The following PREX2 variants were observed in gnomAD, a reference collection of about 807,000 sequenced individuals.
PREX2 encodes phosphatidylinositol-3,4,5-trisphosphate dependent Rac exchange factor 2.
In PREX2, 107 loss-of-function variants were observed where a neutral mutation model predicts 203.2. That is an observed-to-expected ratio of 0.53 (90% CI 0.45 to 0.62). The LOEUF (loss-of-function observed/expected upper bound fraction) is 0.62. Among genes scored for constraint, PREX2 ranks in the 20% least tolerant of loss-of-function variants. The probability of loss-of-function intolerance (pLI) is 0.00; values close to 1 mark genes in which losing one functional copy is unlikely to be tolerated. For synonymous variants in PREX2, 672 were observed against 663.6 expected (o/e 1.01, Z -0.19); for missense variants, 1,777 against 1,955.9 (o/e 0.91, Z 1.72).
intron 1 of PREX2, among the ~76,000 whole-genome samples, chr8:67,973,678 C>A (rs915964102): frequency 1.3e-5 from 2 of 152,092 alleles, no homozygotes; most frequent in African/African-American, 4.8e-5. Context: ...CTTAGCACTT[C>A]AGTGTTATTG....
At position 67,952,464 on chromosome 8, in the gene PREX2, C is replaced by A. The variant is rs1194081470; in HGVS notation, c.70C>A (p.Arg24Ser). Residue 24 changes from arginine (R) to serine (S), a missense_variant, in exon 1 of 40, where the codon CGC becomes AGC. By Grantham distance (110) the Arg-to-Ser change is moderately radical. Coordinates refer to ENST00000288368, the MANE Select transcript of PREX2 (RefSeq NM_024870.4). The stretch of plus-strand genomic sequence containing the variant: ...GGACCTGGAGAAGCAGCTTCGCCTG[C>A]GCGTGTGCGTGCTCAGCGAGCTCCA... ...AKDLEKQLRLRVCVLSELQKT... is the reference protein window; with the variant it reads ...AKDLEKQLRLSVCVLSELQKT... The A allele has an allele frequency of 1.1e-5, 17 of 1,602,062 alleles. No homozygotes were observed. Among genetic ancestry groups the A allele is most frequent in the Non-Finnish European group, 1.4e-5 (17 of 1,174,784 alleles).
chr8:68,231,073 A>C (rs1813157651), intron 39 of PREX2, among the ~76,000 whole-genome samples: 2 of 152,188 alleles, frequency 1.3e-5, no homozygotes. Context: ...GGCACTGGAG[A>C]AAAAGCAGCA....
chr8:67,980,024 A>G (rs1489841292), intron 1 of PREX2, among the ~76,000 whole-genome samples: 3 of 152,240 alleles, frequency 2.0e-5, no homozygotes, highest in Non-Finnish European at 4.4e-5. Flanking sequence ...AGGGGAGTCC[A>G]GGAAGTTTTA....
At chr8:68,209,008 A>G (rs936292880) in intron 37 of PREX2, among the ~76,000 whole-genome samples, 3 of 150,826 alleles carry the variant, frequency 2.0e-5, no homozygotes, top group African/African-American at 7.3e-5. Flanking sequence ...AATTTGCTGC[A>G]GTGAGCCATG....
At chr8:68,014,512 C>T (rs1053016827) in intron 1 of PREX2, among the ~76,000 whole-genome samples, 3 of 152,072 alleles carry the variant, frequency 2.0e-5, no homozygotes, top group African/African-American at 7.2e-5. Flanking sequence ...CTTTGACTCA[C>T]CTGTGTAGTG....
At chr8:68,065,188 G>A (rs976342) in intron 11 of PREX2, among the ~76,000 whole-genome samples, 105,537 of 152,094 alleles carry the variant, frequency 0.69, 36,687 homozygotes, top group East Asian at 0.74. Flanking sequence ...CTTACAGCTA[G>A]GCTCTCCCTG....
At chr8:68,003,545 G>A (rs1225742595) in intron 1 of PREX2, among the ~76,000 whole-genome samples, 1 of 152,234 alleles carries the variant, frequency 6.6e-6, no homozygotes, top group East Asian at 1.9e-4. Flanking sequence ...CTGTAATGTG[G>A]TCATCTTAAG....
chr8:68,138,937 G>T (rs766758882), intron 33 of PREX2, among the ~76,000 whole-genome samples: 39 of 152,192 alleles, frequency 2.6e-4, no homozygotes, highest in Non-Finnish European at 4.9e-4. Flanking sequence ...CTAATGTCCA[G>T]TACAATAAAT....
At chr8:68,020,534 ATAG>A (rs1251476019) in intron 3 of PREX2, among the ~76,000 whole-genome samples, 1 of 152,138 alleles carries the variant, frequency 6.6e-6, no homozygotes, top group African/African-American at 2.4e-5. Context: ...AAAGGTTTTG[ATAG>A]TAGTTTCAAA....
At chr8:68,013,628 T>C (rs1390865792) in intron 1 of PREX2, among the ~76,000 whole-genome samples, 3 of 152,230 alleles carry the variant, frequency 2.0e-5, no homozygotes, top group African/African-American at 7.2e-5. Flanking sequence ...GATGTGATAT[T>C]ATTGTTTTAA....
rs188968523 is a variant in PREX2, at chr8:68,042,734, T to A, written c.840-1753T>A. Among the ~76,000 whole-genome samples, 2 of 152,216 alleles carry A rather than the reference T, an allele frequency of 1.3e-5. 1 individual carries two copies. Among genetic ancestry groups the A allele is most frequent in the Non-Finnish European group, 2.9e-5 (2 of 67,974 alleles). ...TTTTCAAACTATAGGCTTTTCAGTC[T>A]TTAAGCTTCAGTAGAGTCATTTTCT... is the stretch of plus-strand genomic sequence containing the variant. On this transcript the variant is annotated intron_variant, in intron 7 of 39. Transcript: ENST00000288368.
chr8:68,118,449 C>T, intron 26 of PREX2, 101 bp from the exon 27 acceptor site: 3 of 675,168 alleles, frequency 4.4e-6, no homozygotes, highest in South Asian at 1.8e-5. Context: ...TTCTCTAAAA[C>T]ATACTAATAA....
chr8:68,152,856 T>TA (rs1253133879), intron 34 of PREX2, among the ~76,000 whole-genome samples: 1 of 152,170 alleles, frequency 6.6e-6, no homozygotes. Flanking sequence ...TTGCTGTTTT[T>TA]ATGGATCTCC....
intron 37 of PREX2, among the ~76,000 whole-genome samples, chr8:68,211,147 A>G (rs974773421): frequency 9.9e-5 from 15 of 152,190 alleles, no homozygotes; most frequent in African/African-American, 3.4e-4. Context: ...TAAACTCAAG[A>G]TCTGATATCT....
chr8:68,075,979 G>A (rs1809336178), intron 14 of PREX2, among the ~76,000 whole-genome samples: 1 of 152,120 alleles, frequency 6.6e-6, no homozygotes, highest in Non-Finnish European at 1.5e-5. Flanking sequence ...CAGACTTCAG[G>A]CAACAGCAGG....
chr8:68,228,661 G>A (rs1047572015), intron 39 of PREX2, among the ~76,000 whole-genome samples: 1 of 152,030 alleles, frequency 6.6e-6, no homozygotes, highest in Non-Finnish European at 1.5e-5. Flanking sequence ...AGCTACTCGG[G>A]AGGCTGAGAC....
intron 18 of PREX2, among the ~76,000 whole-genome samples, chr8:68,085,509 C>G (rs1809655078): frequency 6.6e-6 from 1 of 151,974 alleles, no homozygotes; most frequent in East Asian, 1.9e-4. Flanking sequence ...GAGATAAATG[C>G]AAAAGAATTT....
At chr8:68,172,181 G>T (rs1223639901) in intron 35 of PREX2, among the ~76,000 whole-genome samples, 1 of 152,128 alleles carries the variant, frequency 6.6e-6, no homozygotes, top group Admixed American at 6.5e-5. Context: ...ATTCTCCCCT[G>T]GCAGGAGAAA....
At chr8:68,134,895 A>C (rs1811082472) in intron 32 of PREX2, among the ~76,000 whole-genome samples, 1 of 152,218 alleles carries the variant, frequency 6.6e-6, no homozygotes, top group Non-Finnish European at 1.5e-5. Flanking sequence ...AACTGTGGTG[A>C]ACTTAAGAGT....
Sources: allele counts gnomAD v4.1 joint callset (sites outside exome capture counted in the v4.1 genomes callset), GRCh38; gene constraint gnomAD v4.1.1; transcripts MANE v1.5; gene names NCBI Gene and HGNC (gene_info 2026-07-23, HGNC 2026-07-21).